PHF8: variants seen among roughly 807,000 people sequenced by gnomAD.
The protein encoded by PHF8 is PHD finger protein 8.
A neutral mutation model predicts 74.4 loss-of-function variants in PHF8; 9 were observed. That is an observed-to-expected ratio of 0.12 (90% CI 0.07 to 0.21). The LOEUF (loss-of-function observed/expected upper bound fraction) is 0.21, where lower values mean the gene tolerates loss of function less well. PHF8 is among the 10% of genes least tolerant of loss of function. The pLI is 1.00. For synonymous variants in PHF8, 311 were observed against 316.6 expected (o/e 0.98, Z 0.19); for missense variants, 478 against 816.6 (o/e 0.59, Z 5.05).
chrX:54,032,361 CCCTTAA>C (rs1557112782), intron 2 of PHF8, among the ~76,000 whole-genome samples: 2 of 110,554 alleles, frequency 1.8e-5, no homozygotes, highest in African/African-American at 3.3e-5. Flanking sequence ...ACACCCCTGA[CCCTTAA>C]CCTCAGCTTC....
intron 19 of PHF8, among the ~76,000 whole-genome samples, chrX:53,954,521 A>AAG (rs2064983248): frequency 9.6e-6 from 1 of 104,424 alleles, no homozygotes; most frequent in African/African-American, 3.5e-5. Context: ...AAAAAAAAAA[A>AAG]AAAGAAAAGA....
intron 8 of PHF8, among the ~76,000 whole-genome samples, chrX:54,007,633 A>G (rs1276918348): frequency 8.9e-6 from 1 of 112,445 alleles, no homozygotes; most frequent in Non-Finnish European, 1.9e-5. Context: ...CAAGTGTCCA[A>G]TGAACATTTG....
chrX:53,943,449 G>C, intron 20 of PHF8: 1 of 1,057,992 alleles, frequency 9.5e-7, no homozygotes, highest in African/African-American at 1.9e-5. Flanking sequence ...CTATTGGGCA[G>C]ATAGATTACA....
intron 19 of PHF8, among the ~76,000 whole-genome samples, chrX:53,954,920 T>C (rs2064991480): frequency 9.0e-6 from 1 of 111,523 alleles, no homozygotes; most frequent in Non-Finnish European, 1.9e-5. Context: ...GTTAAATGTA[T>C]ACATTAATTT....
chrX:54,046,360 G>A (rs892796686), upstream of PHF8, among the ~76,000 whole-genome samples: 5 of 110,293 alleles, frequency 4.5e-5, no homozygotes, highest in African/African-American at 1.3e-4. Flanking sequence ...CGAGGCGGGC[G>A]GATCACAAGT....
At chrX:53,976,998 C>T (rs1401526946) in intron 18 of PHF8, among the ~76,000 whole-genome samples, 1 of 112,271 alleles carries the variant, frequency 8.9e-6, no homozygotes, top group Non-Finnish European at 1.9e-5. Flanking sequence ...AATAACTCAC[C>T]TAAAATCAAA....
intron 2 of PHF8, among the ~76,000 whole-genome samples, chrX:54,041,405 G>T (rs868976827): frequency 9.6e-6 from 1 of 103,868 alleles, no homozygotes; most frequent in Non-Finnish European, 2.0e-5. Context: ...AAAAAAAAAA[G>T]AAAAAAGAAA....
At chrX:54,031,113 C>T (rs1399826686) in intron 2 of PHF8, among the ~76,000 whole-genome samples, 1 of 111,601 alleles carries the variant, frequency 9.0e-6, no homozygotes, top group Non-Finnish European at 1.9e-5. Flanking sequence ...AAATTCAGGA[C>T]TTTGTGACTC....
In PHF8 at chrX:53,969,215, A is replaced by T. The variant is rs187039730; in HGVS notation, c.2444-6276T>A. The stretch of plus-strand genomic sequence containing the variant: ...ATGCCACTGAACTCCAGCCTGGGTG[A>T]CAGAACGAGACTCTGTCTCAAAAAC... On this transcript the variant is annotated intron_variant, in intron 18 of 21. Coordinates refer to ENST00000338154, the MANE Select transcript of PHF8 (RefSeq NM_015107.3). Among the ~76,000 whole-genome samples, 37 of 111,360 alleles carry T rather than the reference A, an allele frequency of 3.3e-4. No homozygotes were observed. The East Asian group carries it at 9.3e-3, about 28-fold the overall frequency.
chrX:53,993,069 A>G (rs782048052), intron 13 of PHF8: 50 of 403,881 alleles, frequency 1.2e-4, no homozygotes, highest in Non-Finnish European at 1.9e-4. Context: ...CCCTTAAAAA[A>G]GAGGGGGCAC....
chrX:54,002,405 G>A, intron 9 of PHF8, 144 bp from the exon 10 acceptor site: 1 of 550,580 alleles, frequency 1.8e-6, no homozygotes, highest in Admixed American at 2.7e-5. Flanking sequence ...GGAAACTTGG[G>A]TTCAAAGGTT....
At chrX:53,966,884 G>A (rs1444515848) in intron 18 of PHF8, among the ~76,000 whole-genome samples, 2 of 107,700 alleles carry the variant, frequency 1.9e-5, no homozygotes, top group Non-Finnish European at 3.9e-5. Context: ...TTGCCCCGCC[G>A]CCCCGTCTGG....
intron 2 of PHF8, among the ~76,000 whole-genome samples, chrX:54,025,859 C>G (rs1487065416): frequency 9.0e-6 from 1 of 110,587 alleles, no homozygotes; most frequent in African/African-American, 3.3e-5. Context: ...TTGACTTTAC[C>G]CTCCTTCCCT....
At chrX:54,033,501 T>C (rs782814886) in intron 2 of PHF8, among the ~76,000 whole-genome samples, 13 of 110,088 alleles carry the variant, frequency 1.2e-4, no homozygotes, top group Admixed American at 3.9e-4. Flanking sequence ...GATCACGAGG[T>C]CAGGAGTTCG....
chrX:53,959,811 C>A (rs1442342284), intron 19 of PHF8, among the ~76,000 whole-genome samples: 1 of 97,668 alleles, frequency 1.0e-5, no homozygotes, highest in Non-Finnish European at 2.0e-5. Flanking sequence ...TTGCAGTGAG[C>A]CAAGATTGCA....
intron 8 of PHF8, among the ~76,000 whole-genome samples, chrX:54,009,844 GAAAAAAAAAAAAAAAAAAAAAAA>G (rs782363250): frequency 2.1e-4 from 2 of 9,388 alleles, no homozygotes; most frequent in African/African-American, 3.1e-4. Context: ...CTCTGTCTCA[GAAAAAAAAAAAAAAAAAAAAAAA>G]AAAAAAAAAA....
intron 18 of PHF8, among the ~76,000 whole-genome samples, chrX:53,976,248 C>T (rs782314582): frequency 1.1e-3 from 118 of 108,953 alleles, no homozygotes; most frequent in African/African-American, 3.5e-3. Context: ...GAGGTTGGAG[C>T]GAGCGGAGAC....
intron 20 of PHF8, among the ~76,000 whole-genome samples, chrX:53,941,822 G>A (rs2064755835): frequency 9.0e-6 from 1 of 111,717 alleles, no homozygotes; most frequent in South Asian, 3.7e-4. Flanking sequence ...GAAGGATGAA[G>A]AAACTGTGGC....
intron 4 of PHF8, among the ~76,000 whole-genome samples, chrX:54,019,951 A>G (rs1557109360): frequency 9.0e-6 from 1 of 110,734 alleles, no homozygotes; most frequent in Non-Finnish European, 1.9e-5. Context: ...TTGGGAGGCC[A>G]AGGCGGGTGG....
Sources: allele counts gnomAD v4.1 joint callset (sites outside exome capture counted in the v4.1 genomes callset), GRCh38; gene constraint gnomAD v4.1.1; transcripts MANE v1.5; gene names NCBI Gene and HGNC (gene_info 2026-07-23, HGNC 2026-07-21).